The following ANKRD46 variants were observed in gnomAD, a reference collection of about 807,000 sequenced individuals.
ANKRD46 encodes ankyrin repeat domain 46.
A neutral mutation model predicts 19.8 loss-of-function variants in ANKRD46; 13 were observed. The observed-to-expected ratio is 0.66, with a 90% CI of 0.43 to 1.04. The LOEUF is 1.04. ANKRD46 is among the 50% of genes least tolerant of loss of function. The pLI, the probability that ANKRD46 is intolerant of heterozygous loss-of-function variation, is 0.00. For missense variants in ANKRD46, 185 were observed against 274.8 expected, an observed-to-expected ratio of 0.67 and a Z score of 2.31; for synonymous variants, 91 against 106.9, an observed-to-expected ratio of 0.85 and a Z score of 0.92.
chr8:100,538,292 T>C (rs2130677752), intron 1 of ANKRD46, among the ~76,000 whole-genome samples: 1 of 152,178 alleles, frequency 6.6e-6, no homozygotes, highest in South Asian at 2.1e-4. Flanking sequence ...AAATTAATGA[T>C]TCAACCAACC....
At chr8:100,551,540 G>T (rs1038318128) in intron 1 of ANKRD46, 1 of 807,400 alleles carries the variant, frequency 1.2e-6, no homozygotes, top group Non-Finnish European at 2.1e-6. Context: ...AGCCTTGACG[G>T]TGTGGTGGAA....
In ANKRD46 at chr8:100,550,138, C is replaced by A. The variant is rs528053355; in HGVS notation, c.-131+9573G>T. Among the ~76,000 whole-genome samples, 13 of 152,184 alleles carry A rather than the reference C, an allele frequency of 8.5e-5. No individual in the cohort carries two copies. The highest frequency in any genetic ancestry group is 1.8e-4 in the Non-Finnish European group (12 of 68,034). On this transcript the variant is annotated intron_variant, in intron 1 of 4. Coordinates refer to ENST00000335659, the MANE Select transcript of ANKRD46 (RefSeq NM_001270377.2). This position sits in a 1 kb window ranked among gnomAD's most constrained non-coding sequence, Gnocchi z 4.4. ...TAAGGCTGACATGAACACCCACATG[C>A]AGGTTTTTGTGTGGACAGTTTTTCA...
At chr8:100,516,443 T>C (rs1811631357), downstream of ANKRD46, among the ~76,000 whole-genome samples, 1 of 152,142 alleles carries the variant, frequency 6.6e-6, no homozygotes. Flanking sequence ...GTTCCAGAAA[T>C]CAAAAAGTAA....
At chr8:100,526,909 C>T (rs1230399917) in intron 4 of ANKRD46, among the ~76,000 whole-genome samples, 1 of 151,898 alleles carries the variant, frequency 6.6e-6, no homozygotes, top group East Asian at 1.9e-4. Flanking sequence ...TGATGTGGGC[C>T]CTTGCTTATT....
intron 5 of ANKRD46, among the ~76,000 whole-genome samples, chr8:100,513,727 T>G (rs1811584528): frequency 6.6e-6 from 1 of 152,236 alleles, no homozygotes; most frequent in African/African-American, 2.4e-5. Flanking sequence ...TTACCCAAAC[T>G]TAAGTTATAG....
Position 100,537,050 on chromosome 8 carries a change from C to T in ANKRD46, c.-130-3739G>A, listed in dbSNP as rs901484726. Among the ~76,000 whole-genome samples the T allele has an allele frequency of 6.6e-6, 1 of 152,190 alleles. No individual in the cohort carries two copies. On this transcript the variant is annotated intron_variant, in intron 1 of 4. Coordinates refer to ENST00000335659, the MANE Select transcript of ANKRD46 (RefSeq NM_001270377.2). This position sits in a 1 kb window ranked among gnomAD's most constrained non-coding sequence, Gnocchi z 4.2. ...TTGATGGAAGCTTGTGATTCACTGA[C>T]TTGATGAAAAGTCATGCCTAATTTT...
At chr8:100,540,720 G>A (rs1812158741) in intron 1 of ANKRD46, among the ~76,000 whole-genome samples, 1 of 152,014 alleles carries the variant, frequency 6.6e-6, no homozygotes, top group African/African-American at 2.4e-5. Flanking sequence ...AAAGGTATTG[G>A]CTTAAGACAA....
In ANKRD46 at chr8:100,534,437, G is replaced by C. The variant is rs1047544852; in HGVS notation, c.-130-1126C>G. On this transcript the variant is annotated intron_variant, in intron 1 of 4. Transcript: ENST00000335659. This position sits in a 1 kb window ranked among gnomAD's most constrained non-coding sequence, Gnocchi z 4.2. Reference sequence around the variant, plus strand: ...TTTGTGATACCACAGTATCAATTTAGACGAACTTCATATCACGGAGCCACT... The same window carrying C: ...TTTGTGATACCACAGTATCAATTTACACGAACTTCATATCACGGAGCCACT... Among the ~76,000 whole-genome samples, 4 of 152,168 alleles carry C rather than the reference G, an allele frequency of 2.6e-5. No individual in the cohort carries two copies. The highest frequency in any genetic ancestry group is 5.9e-5 in the Non-Finnish European group (4 of 68,036).
rs1208481683 is a variant in ANKRD46, at chr8:100,529,635, A to T, written c.199T>A (p.Phe67Ile). ...NVDICQLLHK[F>I]GADLLATDYQ... Reference sequence around the variant, plus strand: ...TCTGTGGCCAGAAGATCGGCACCGAATTTATGCAGTAACTGGCAGATGTCT... The same window carrying T: ...TCTGTGGCCAGAAGATCGGCACCGATTTTATGCAGTAACTGGCAGATGTCT... Residue 67 changes from phenylalanine (F) to isoleucine (I), a missense_variant, in exon 3 of 5, where the codon TTC (phenylalanine) becomes ATC (isoleucine). By Grantham distance (21) the Phe-to-Ile change is conservative. Coordinates refer to ENST00000335659, the MANE Select transcript of ANKRD46 (RefSeq NM_001270377.2). The surrounding 1 kb of genome is among the most constrained non-coding windows in gnomAD (Gnocchi z 5.8). The T allele has an allele frequency of 1.2e-6, 2 of 1,614,126 alleles. No homozygotes were observed. Among genetic ancestry groups the T allele is most frequent in the Admixed American group, 3.3e-5 (2 of 60,008 alleles).
chr8:100,547,352 T>C (rs929483643), intron 1 of ANKRD46, among the ~76,000 whole-genome samples: 1 of 152,166 alleles, frequency 6.6e-6, no homozygotes, highest in Non-Finnish European at 1.5e-5. Flanking sequence ...GTTTTAATAG[T>C]GGCAGTTTCC....
intron 1 of ANKRD46, among the ~76,000 whole-genome samples, chr8:100,556,195 G>GT (rs932195206): frequency 6.6e-6 from 1 of 152,068 alleles, no homozygotes; most frequent in Non-Finnish European, 1.5e-5. Context: ...TAATTTTAAA[G>GT]TTTTTTGTAG....
chr8:100,530,192 C>A (rs1811929648), intron 2 of ANKRD46, among the ~76,000 whole-genome samples: 1 of 152,122 alleles, frequency 6.6e-6, no homozygotes, highest in East Asian at 1.9e-4. Flanking sequence ...ACATAGATAA[C>A]ATGGTGTTTA....
chr8:100,535,228 A>C (rs1483161416), intron 1 of ANKRD46, among the ~76,000 whole-genome samples: 1 of 152,216 alleles, frequency 6.6e-6, no homozygotes, highest in Non-Finnish European at 1.5e-5. Context: ...TACTCACTAG[A>C]CTCTGTTAAT....
Position 100,551,394 on chromosome 8 carries a change from C to T in ANKRD46, c.-131+8317G>A, listed in dbSNP as rs1812387111. On this transcript the variant is annotated intron_variant, in intron 1 of 4. Coordinates refer to ENST00000335659, the MANE Select transcript of ANKRD46 (RefSeq NM_001270377.2). ...GGCTCCCCCATTAAGTGAGCCCCAGCCTTCTCTATGGTCATGAAGATGCCA... is the reference window on the plus strand; with the variant it reads ...GGCTCCCCCATTAAGTGAGCCCCAGTCTTCTCTATGGTCATGAAGATGCCA... 10 of 605,018 alleles carry T rather than the reference C, an allele frequency of 1.7e-5. No homozygotes were observed. In the Admixed American group the frequency reaches 1.7e-4, roughly 11 times the overall value. 37.5% of individuals were successfully genotyped at this position (605,018 alleles called of 1,614,324 possible). A position where few individuals can be genotyped will look rare whatever the true frequency, so the allele number is the denominator to read the frequency against.
Position 100,546,467 on chromosome 8 carries a change from G to A in ANKRD46, c.-130-13156C>T, listed in dbSNP as rs1586799400. ...TCCATGTGGTGTTGGGCCTGTAGGT[G>A]TGCAGAAGACAGGAGTTGAGCTTTG... On this transcript the variant is annotated intron_variant, in intron 1 of 4. Transcript: ENST00000335659. This position sits in a 1 kb window ranked among gnomAD's most constrained non-coding sequence, Gnocchi z 4.0. 6.6e-6 allele frequency among the ~76,000 whole-genome samples: 1 copy of A among 152,370 alleles called. No individual in the cohort carries two copies. Among genetic ancestry groups the A allele is most frequent in the East Asian group, 1.9e-4 (1 of 5,188 alleles).
At position 100,526,691 on chromosome 8, in the gene ANKRD46, A is replaced by G. The variant is rs559192190; in HGVS notation, c.470+1154T>C. Reference sequence around the variant, plus strand: ...TGAACAAAATAGACCTAAGCTTGAGAGTGGAATTAATGGTCCCCAAAGAGC... The same window carrying G: ...TGAACAAAATAGACCTAAGCTTGAGGGTGGAATTAATGGTCCCCAAAGAGC... On this transcript the variant is annotated intron_variant, in intron 4 of 4. Coordinates refer to ENST00000335659, the MANE Select transcript of ANKRD46 (RefSeq NM_001270377.2). 9.9e-5 allele frequency among the ~76,000 whole-genome samples: 15 copies of G among 152,178 alleles called. No homozygotes were observed. In the South Asian group the frequency reaches 2.9e-3, roughly 29 times the overall value.
Position 100,540,342 on chromosome 8 carries a change from A to C in ANKRD46, c.-130-7031T>G, listed in dbSNP as rs576961290. ...TTTACAATCATTTCATTCAAAGTGA[A>C]CGTCTTCTTAAACTGTAGAAACAAT... On this transcript the variant is annotated intron_variant, in intron 1 of 4. Transcript: ENST00000335659. Among the ~76,000 whole-genome samples the C allele has an allele frequency of 6.6e-5, 10 of 152,356 alleles. No individual in the cohort carries two copies. The South Asian group carries it at 2.1e-3, about 32-fold the overall frequency.
At position 100,527,577 on chromosome 8, in the gene ANKRD46, C is replaced by T. The variant is rs1811866524; in HGVS notation, c.470+268G>A. On this transcript the variant is annotated intron_variant, in intron 4 of 4. Coordinates refer to ENST00000335659, the MANE Select transcript of ANKRD46 (RefSeq NM_001270377.2). This position sits in a 1 kb window ranked among gnomAD's most constrained non-coding sequence, Gnocchi z 4.0. ...GACATGTAGTACTTTCTGTTAATAG[C>T]TTCTCAATTGTAATCTGCAGTCATA... Among the ~76,000 whole-genome samples the T allele has an allele frequency of 1.3e-5, 2 of 152,188 alleles. No individual in the cohort carries two copies. Among genetic ancestry groups the T allele is most frequent in the South Asian group, 4.1e-4 (2 of 4,826 alleles).
chr8:100,510,677 A>AG lies in ANKRD46; in HGVS notation c.637-39_637-38insC. 6.7e-7 allele frequency: 1 copy of AG among 1,488,640 alleles called. No homozygotes were observed. The allele number at this position is 1,488,640 out of a possible 1,614,324, so 92.2% of individuals were successfully genotyped here. A position where few individuals can be genotyped will look rare whatever the true frequency, so the allele number is the denominator to read the frequency against. On this transcript the variant is annotated intron_variant, in intron 5 of 5. Coordinates refer to the ANKRD46 transcript ENST00000520552. The surrounding 1 kb of genome is among the most constrained non-coding windows in gnomAD (Gnocchi z 4.9). ...GGAAGACAGATTAAAAAAAAAAAAA[A>AG]ATCCCAGTTCTGTTAAGCTGCAGAG...
Sources: gnomAD v4.1 joint callset for allele counts (sites outside exome capture counted in the v4.1 genomes callset) on GRCh38, gnomAD v4.1.1 for gene constraint, Gnocchi (gnomAD v3.1) non-coding constraint, MANE v1.5 for transcripts, NCBI Gene and HGNC (gene_info 2026-07-23, HGNC 2026-07-21) for gene names.